FOXN3: variants seen among roughly 807,000 people sequenced by gnomAD.
The protein encoded by FOXN3 is forkhead box protein N3.
Under a neutral mutation model 38.4 loss-of-function variants are expected in FOXN3, and 7 were observed. The ratio of observed to expected loss-of-function variants is 0.18; its 90% CI spans 0.10 to 0.34. The LOEUF (loss-of-function observed/expected upper bound fraction) is 0.34. FOXN3 is among the 10% of genes least tolerant of loss of function. The pLI, the probability that FOXN3 is intolerant of heterozygous loss-of-function variation, is 1.00. For synonymous variants in FOXN3, 230 were observed against 242.2 expected (o/e 0.95, Z 0.47); for missense variants, 456 against 613.4 (o/e 0.74, Z 2.71).
At chr14:89,468,053 C>T (rs1290476284) in intron 1 of FOXN3, among the ~76,000 whole-genome samples, 2 of 151,596 alleles carry the variant, frequency 1.3e-5, no homozygotes, top group Admixed American at 6.6e-5. Flanking sequence ...CACATATATA[C>T]ATGCATCTAC....
intron 1 of FOXN3, among the ~76,000 whole-genome samples, chr14:89,463,782 CTCTT>C (rs1205129533): frequency 1.6e-5 from 2 of 123,772 alleles, no homozygotes; most frequent in Middle Eastern, 4.2e-3. Context: ...TGGTCTCTCT[CTCTT>C]TTTTTTTTTT....
chr14:89,189,322 C>T (rs1315948025), intron 4 of FOXN3, among the ~76,000 whole-genome samples: 2 of 152,148 alleles, frequency 1.3e-5, no homozygotes, highest in African/African-American at 4.8e-5. Context: ...CAGGGACTTC[C>T]CACTGCTCAG....
intron 1 of FOXN3, among the ~76,000 whole-genome samples, chr14:89,460,759 G>A (rs111380930): frequency 0.013 from 1,919 of 152,108 alleles, 43 homozygotes; most frequent in African/African-American, 0.044. Flanking sequence ...TGCCGGGCGC[G>A]GTGACTCACA....
At chr14:89,370,381 T>C (rs1890282087) in intron 2 of FOXN3, among the ~76,000 whole-genome samples, 1 of 152,248 alleles carries the variant, frequency 6.6e-6, no homozygotes, top group Non-Finnish European at 1.5e-5. Flanking sequence ...GCTTCAAACC[T>C]GGGTCTTTGG....
intron 1 of FOXN3, among the ~76,000 whole-genome samples, chr14:89,562,542 G>A (rs777657699): frequency 6.6e-6 from 1 of 152,098 alleles, no homozygotes; most frequent in Non-Finnish European, 1.5e-5. Context: ...TTACGGGTGT[G>A]AGCCACCGTG....
rs750011321 is a variant in FOXN3, at chr14:89,162,998, G to A, written c.852-29C>T. Reference sequence around the variant, plus strand: ...CAGAGCGAGGACAGTGGGGAGGGACGGGAGACAAAGAAGGGACACAGTTAG... The same window carrying A: ...CAGAGCGAGGACAGTGGGGAGGGACAGGAGACAAAGAAGGGACACAGTTAG... On this transcript the variant is annotated intron_variant, in intron 5 of 5. Coordinates refer to ENST00000557258, the MANE Select transcript of FOXN3 (RefSeq NM_005197.4). This position sits in a 1 kb window ranked among gnomAD's most constrained non-coding sequence, Gnocchi z 7.2. The A allele has an allele frequency of 1.1e-5, 16 of 1,509,660 alleles. No individual in the cohort carries two copies. Among genetic ancestry groups the A allele is most frequent in the Admixed American group, 6.4e-5 (3 of 46,626 alleles). The allele number at this position is 1,509,660 out of a possible 1,614,324, so 93.5% of individuals were successfully genotyped here. A position where few individuals can be genotyped will look rare whatever the true frequency, so the allele number is the denominator to read the frequency against.
intron 3 of FOXN3, among the ~76,000 whole-genome samples, chr14:89,324,435 AGTGTGTGC>A (rs1420624716): frequency 4.9e-5 from 6 of 123,478 alleles, no homozygotes; most frequent in African/African-American, 2.0e-4. Context: ...GAAACAGCTA[AGTGTGTGC>A]GTGTGTGTGT....
rs1259864921 is a variant in FOXN3 at position 89,511,267 on chromosome 14, CT to C, written c.-14-98778del. Among the ~76,000 whole-genome samples, 15 of 50,540 alleles carry C rather than the reference CT, an allele frequency of 3.0e-4. 3 individuals are homozygous for C. The highest frequency in any genetic ancestry group is 5.7e-4 in the African/African-American group (10 of 17,616). The allele number at this position is 50,540 out of a possible 152,430, so 33.2% of individuals were successfully genotyped here. On this transcript the variant is annotated intron_variant, in intron 1 of 6. Coordinates refer to the FOXN3 transcript ENST00000345097. ...CTTTCTTTTCTTTCTTTCTTTCTTTCTTTCTTTCTTTCTTTCTTTCTTTCTT... is the reference window on the plus strand; with the variant it reads ...CTTTCTTTTCTTTCTTTCTTTCTTTCTTCTTTCTTTCTTTCTTTCTTTCTT...
chr14:89,566,661 A>C (rs1895357861), intron 1 of FOXN3, among the ~76,000 whole-genome samples: 1 of 152,198 alleles, frequency 6.6e-6, no homozygotes, highest in African/African-American at 2.4e-5. Flanking sequence ...TCGGGAAATG[A>C]GATTATTCTA....
Position 89,548,211 on chromosome 14 carries a change from C to T in FOXN3, c.-15+70817G>A, listed in dbSNP as rs1314881625. 2.6e-5 allele frequency among the ~76,000 whole-genome samples: 4 copies of T among 152,202 alleles called. No homozygotes were observed. Among genetic ancestry groups the T allele is most frequent in the East Asian group, 1.9e-4 (1 of 5,198 alleles). On this transcript the variant is annotated intron_variant, in intron 1 of 6. Coordinates refer to the FOXN3 transcript ENST00000345097. The surrounding 1 kb of genome is among the most constrained non-coding windows in gnomAD (Gnocchi z 4.8). ...CCTTTCACTTGCTTACTCCTGCCTG[C>T]GCTTTCTCTCCCTCCCACCCTTAAT...
rs1887109240 is a variant in FOXN3 at position 89,161,638 on chromosome 14, G to A, written c.*776C>T. On this transcript the variant is annotated 3_prime_UTR_variant, in exon 6 of 6. Coordinates refer to ENST00000557258, the MANE Select transcript of FOXN3 (RefSeq NM_005197.4). ...CCAATCTTCAGGCTTATGGCTTTTG[G>A]AACATTTTCTTAATTTAATAGAGAA... 6.7e-6 allele frequency: 1 copy of A among 148,400 alleles called. No homozygotes were observed. The highest frequency in any genetic ancestry group is 6.8e-5 in the Admixed American group (1 of 14,698). The allele number at this position is 148,400 out of a possible 1,614,324, so 9.2% of individuals were successfully genotyped here. A position where few individuals can be genotyped will look rare whatever the true frequency, so the allele number is the denominator to read the frequency against.
chr14:89,607,474 G>A (rs1203657426), intron 1 of FOXN3, among the ~76,000 whole-genome samples: 1 of 151,478 alleles, frequency 6.6e-6, no homozygotes, highest in Non-Finnish European at 1.5e-5. Flanking sequence ...CAGGAGAATC[G>A]CTTGGACTCG....
chr14:89,172,050 C>T (rs535437791), intron 5 of FOXN3, among the ~76,000 whole-genome samples: 2 of 152,002 alleles, frequency 1.3e-5, no homozygotes, highest in African/African-American at 2.4e-5. Context: ...ATTGCATTTC[C>T]ATATATTAGC....
upstream of FOXN3, among the ~76,000 whole-genome samples, chr14:89,421,043 T>G (rs930563499): frequency 2.6e-5 from 4 of 151,626 alleles, no homozygotes; most frequent in African/African-American, 9.7e-5. Flanking sequence ...AAAAAAAAAT[T>G]GGGGAAAAAA....
intron 1 of FOXN3, among the ~76,000 whole-genome samples, chr14:89,611,760 C>T (rs903938727): frequency 3.5e-5 from 5 of 143,622 alleles, no homozygotes; most frequent in Non-Finnish European, 7.4e-5. Context: ...GAGCCGAGAT[C>T]GTGCCACTGC....
At chr14:89,292,745 C>A (rs886442758) in intron 3 of FOXN3, among the ~76,000 whole-genome samples, 3 of 152,102 alleles carry the variant, frequency 2.0e-5, no homozygotes, top group African/African-American at 7.2e-5. Context: ...AGCGAGAGAT[C>A]TATTGTTTGT....
At chr14:89,537,970 A>T (rs987676577) in intron 1 of FOXN3, among the ~76,000 whole-genome samples, 46 of 152,202 alleles carry the variant, frequency 3.0e-4, no homozygotes, top group African/African-American at 9.2e-4. Flanking sequence ...AATACCATAC[A>T]CCACAGTTTA....
chr14:89,205,844 G>A (rs551997075), intron 4 of FOXN3, among the ~76,000 whole-genome samples: 3 of 152,356 alleles, frequency 2.0e-5, no homozygotes, highest in Admixed American at 6.5e-5. Context: ...CGACCTTCCC[G>A]TCTGCATGCT....
intron 1 of FOXN3, among the ~76,000 whole-genome samples, chr14:89,467,804 G>GTTTTTTTTTTTTT (rs68132432): frequency 1.1e-4 from 6 of 56,592 alleles, no homozygotes; most frequent in Non-Finnish European, 1.5e-4. Context: ...TTCTTTCTTT[G>GTTTTTTTTTTTTT]TTTTTTTTTT....
Sources: gnomAD v4.1 joint callset for allele counts (sites outside exome capture counted in the v4.1 genomes callset) on GRCh38, gnomAD v4.1.1 for gene constraint, Gnocchi (gnomAD v3.1) non-coding constraint, MANE v1.5 for transcripts, NCBI Gene and HGNC (gene_info 2026-07-23, HGNC 2026-07-21) for gene names.